TRPS1: variants seen among roughly 807,000 people sequenced by gnomAD.
TRPS1 encodes zinc finger transcription factor Trps1.
A neutral mutation model predicts 101.2 loss-of-function variants in TRPS1; 6 were observed. The observed-to-expected ratio is 0.06, with a 90% CI of 0.03 to 0.12. The LOEUF is 0.12. Ranked by LOEUF, TRPS1 falls within the 10% of genes least tolerant of loss-of-function variation. TRPS1 has a pLI of 1.00. For synonymous variants in TRPS1, 578 were observed against 589.8 expected (o/e 0.98, Z 0.29); for missense variants, 1,363 against 1,567.0 (o/e 0.87, Z 2.20).
intron 5 of TRPS1, among the ~76,000 whole-genome samples, chr8:115,453,564 C>G (rs1304538709): frequency 6.6e-6 from 1 of 152,180 alleles, no homozygotes. Flanking sequence ...TCACATGTCT[C>G]AGATAAAGAT....
chr8:115,605,517 A>C (rs1818015900), intron 3 of TRPS1, among the ~76,000 whole-genome samples: 2 of 152,144 alleles, frequency 1.3e-5, no homozygotes, highest in South Asian at 4.1e-4. Flanking sequence ...TCTCTGTTTT[A>C]GGTAAAATAA....
chr8:115,558,130 A>G (rs1816867323), intron 5 of TRPS1, among the ~76,000 whole-genome samples: 1 of 152,098 alleles, frequency 6.6e-6, no homozygotes, highest in Non-Finnish European at 1.5e-5. Flanking sequence ...GCTAACACAG[A>G]TAAAACATTG....
At chr8:115,656,579 TA>T (rs1387890338) in intron 1 of TRPS1, among the ~76,000 whole-genome samples, 1 of 152,148 alleles carries the variant, frequency 6.6e-6, no homozygotes. Context: ...AATGTCATAT[TA>T]TTTTACACCA....
chr8:115,499,430 T>C (rs1184063957), intron 5 of TRPS1, among the ~76,000 whole-genome samples: 1 of 152,150 alleles, frequency 6.6e-6, no homozygotes, highest in Non-Finnish European at 1.5e-5. Context: ...TGGGCTCCTC[T>C]TTCCTTCCTT....
At chr8:115,587,750 G>A (rs540701759) in intron 4 of TRPS1, 146 bp from the exon 5 acceptor site, 1 of 1,386,006 alleles carries the variant, frequency 7.2e-7, no homozygotes, top group African/African-American at 1.4e-5. Context: ...CCCCAAAACT[G>A]GAATGTAATT....
At position 115,495,990 on chromosome 8, in the gene TRPS1, G is replaced by A. The variant is rs550024732; in HGVS notation, c.2701-77538C>T. 9.9e-5 allele frequency among the ~76,000 whole-genome samples: 15 copies of A among 152,122 alleles called. No homozygotes were observed. The East Asian group carries it at 1.9e-3, about 20-fold the overall frequency. On this transcript the variant is annotated intron_variant, in intron 5 of 6. Coordinates refer to ENST00000395715, the MANE Select transcript of TRPS1 (RefSeq NM_014112.5). ...TCCAATTGTCACTTTATATTAAAGCGAATGATTTGAGTCCTCGTTCTACCA... is the reference window on the plus strand; with the variant it reads ...TCCAATTGTCACTTTATATTAAAGCAAATGATTTGAGTCCTCGTTCTACCA...
chr8:115,456,123 T>C (rs996973333), intron 5 of TRPS1, among the ~76,000 whole-genome samples: 1 of 152,166 alleles, frequency 6.6e-6, no homozygotes, highest in Non-Finnish European at 1.5e-5. Flanking sequence ...GAAAATACTT[T>C]CTTATACAAC....
intron 5 of TRPS1, among the ~76,000 whole-genome samples, chr8:115,482,773 C>T (rs1037709833): frequency 1.4e-4 from 21 of 152,084 alleles, no homozygotes; most frequent in African/African-American, 5.1e-4. Flanking sequence ...ACAAAAGAAA[C>T]AAGAATACAA....
intron 1 of TRPS1, among the ~76,000 whole-genome samples, chr8:115,627,397 A>G (rs1185986636): frequency 6.6e-6 from 1 of 151,786 alleles, no homozygotes; most frequent in Non-Finnish European, 1.5e-5. Context: ...CTGACTTTAC[A>G]TTTGCACACA....
In TRPS1 at chr8:115,500,564, A is replaced by C. The variant is rs544877017; in HGVS notation, c.2701-82112T>G. Among the ~76,000 whole-genome samples the C allele has an allele frequency of 3.0e-4, 45 of 152,328 alleles. No homozygotes were observed. In the Middle Eastern group the frequency reaches 0.01, roughly 35 times the overall value. On this transcript the variant is annotated intron_variant, in intron 5 of 6. Transcript: ENST00000395715. ...AACAATATTTTTAAACATTGTTGCC[A>C]GTTTATCACTTGATGTGTGAAGAAC...
At chr8:115,587,833 G>GAC (rs34198799) in intron 4 of TRPS1, among the ~76,000 whole-genome samples, 2,453 of 151,150 alleles carry the variant, frequency 0.016, 18 homozygotes, top group African/African-American at 0.019. Flanking sequence ...GTATAACACA[G>GAC]ACACACACAC....
chr8:115,487,818 C>G (rs1192963048), intron 5 of TRPS1, among the ~76,000 whole-genome samples: 1 of 152,136 alleles, frequency 6.6e-6, no homozygotes, highest in Non-Finnish European at 1.5e-5. Context: ...AAGAAGAAAT[C>G]TAGTCCTAGT....
At chr8:115,565,851 T>C (rs181613880) in intron 5 of TRPS1, among the ~76,000 whole-genome samples, 108 of 152,218 alleles carry the variant, frequency 7.1e-4, no homozygotes, top group Non-Finnish European at 1.2e-3. Flanking sequence ...AGAAGAAGCA[T>C]CATGCTACAT....
intron 5 of TRPS1, among the ~76,000 whole-genome samples, chr8:115,550,360 G>T (rs989182507): frequency 6.6e-6 from 1 of 152,206 alleles, no homozygotes. Context: ...GATACTGGTG[G>T]ACTCTCATGC....
chr8:115,531,980 G>A (rs1563579463), intron 5 of TRPS1, among the ~76,000 whole-genome samples: 1 of 152,100 alleles, frequency 6.6e-6, no homozygotes, highest in Non-Finnish European at 1.5e-5. Flanking sequence ...GTTGCCATGA[G>A]GAATGACGAA....
Position 115,413,864 on chromosome 8 carries a change from T to A in TRPS1, c.*159A>T, listed in dbSNP as rs1014901455. 1 of 688,010 alleles carries A rather than the reference T, an allele frequency of 1.5e-6. No individual in the cohort carries two copies. Among genetic ancestry groups the A allele is most frequent in the African/African-American group, 1.8e-5 (1 of 55,100 alleles). 42.6% of individuals were successfully genotyped at this position (688,010 alleles called of 1,614,324 possible). ...ATCTCACTTTTTAATCTTGGTAACC[T>A]ACTCATCAAAAGAAAGAATAACAAA... On this transcript the variant is annotated 3_prime_UTR_variant, in exon 7 of 7. Coordinates refer to ENST00000395715, the MANE Select transcript of TRPS1 (RefSeq NM_014112.5).
chr8:115,441,302 G>A (rs1200829304), intron 5 of TRPS1, among the ~76,000 whole-genome samples: 2 of 152,294 alleles, frequency 1.3e-5, no homozygotes, highest in African/African-American at 4.8e-5. Context: ...TCTAGTTTTA[G>A]CACATGGGTT....
chr8:115,655,985 T>C (rs1157622521), intron 1 of TRPS1, among the ~76,000 whole-genome samples: 3 of 152,122 alleles, frequency 2.0e-5, no homozygotes, highest in Non-Finnish European at 2.9e-5. Flanking sequence ...AATGTCCACA[T>C]TTCTACCGGT....
At chr8:115,618,899 T>C (rs571010892) in intron 3 of TRPS1, among the ~76,000 whole-genome samples, 1 of 152,244 alleles carries the variant, frequency 6.6e-6, no homozygotes, top group African/African-American at 2.4e-5. Flanking sequence ...GAAAAGACTT[T>C]CCCAAATTTA....
Sources: gnomAD v4.1 joint callset for allele counts (sites outside exome capture counted in the v4.1 genomes callset) on GRCh38, gnomAD v4.1.1 for gene constraint, MANE v1.5 for transcripts, NCBI Gene and HGNC (gene_info 2026-07-23, HGNC 2026-07-21) for gene names.